The following PLCXD3 variants were observed in gnomAD, a reference collection of about 807,000 sequenced individuals.
PLCXD3 encodes PI-PLC X domain-containing protein 3.
In PLCXD3, 19 loss-of-function variants were observed where a neutral mutation model predicts 25.5. The observed-to-expected ratio is 0.75, with a 90% CI of 0.52 to 1.09. The LOEUF is 1.09. Ranked by LOEUF, PLCXD3 falls within the 50% of genes least tolerant of loss-of-function variation. The pLI, the probability that PLCXD3 is intolerant of heterozygous loss-of-function variation, is 0.00. For synonymous variants in PLCXD3, 174 were observed against 137.6 expected (o/e 1.26, Z -1.85); for missense variants, 411 against 388.1 (o/e 1.06, Z -0.50).
At chr5:41,451,821 A>C (rs1747639219) in intron 1 of PLCXD3, among the ~76,000 whole-genome samples, 1 of 151,942 alleles carries the variant, frequency 6.6e-6, no homozygotes, top group African/African-American at 2.4e-5. Context: ...AATTTTCTTT[A>C]AACAATATAA....
chr5:41,345,887 T>A (rs2150479296), intron 2 of PLCXD3, among the ~76,000 whole-genome samples: 1 of 152,068 alleles, frequency 6.6e-6, no homozygotes, highest in South Asian at 2.1e-4. Flanking sequence ...TTTTTTTTAT[T>A]TTTTCTTTTT....
chr5:41,334,399 T>C (rs1340298387), intron 2 of PLCXD3, among the ~76,000 whole-genome samples: 1 of 152,086 alleles, frequency 6.6e-6, no homozygotes, highest in Non-Finnish European at 1.5e-5. Flanking sequence ...GGTACAGTCA[T>C]ATTTTGGGAG....
At chr5:41,444,702 T>C (rs563420473) in intron 1 of PLCXD3, among the ~76,000 whole-genome samples, 3 of 148,076 alleles carry the variant, frequency 2.0e-5, no homozygotes, top group African/African-American at 7.5e-5. Context: ...CATTGTCAAA[T>C]GGCCAATCCC....
intron 1 of PLCXD3, among the ~76,000 whole-genome samples, chr5:41,443,344 T>C (rs995753515): frequency 6.6e-6 from 1 of 151,990 alleles, no homozygotes; most frequent in South Asian, 2.1e-4. Context: ...TGCCATACCA[T>C]ATAGCCTAGG....
In PLCXD3 at chr5:41,311,018, A is replaced by C. The variant is rs1743125107; in HGVS notation, c.*2599T>G. The C allele has an allele frequency of 6.6e-6, 1 of 152,218 alleles. No homozygotes were observed. Among genetic ancestry groups the C allele is most frequent in the Admixed American group, 6.5e-5 (1 of 15,272 alleles). 9.4% of individuals were successfully genotyped at this position (152,218 alleles called of 1,614,324 possible). ...AAGTTAATTCTAAGCAAACACTATG[A>C]GAAAGTATCTAGGTTCAAGAAAATA... is the stretch of plus-strand genomic sequence containing the variant. On this transcript the variant is annotated 3_prime_UTR_variant, in exon 3 of 3. Coordinates refer to ENST00000377801, the MANE Select transcript of PLCXD3 (RefSeq NM_001005473.3).
intron 2 of PLCXD3, among the ~76,000 whole-genome samples, chr5:41,316,878 T>C (rs1743312908): frequency 6.6e-6 from 1 of 152,194 alleles, no homozygotes; most frequent in Non-Finnish European, 1.5e-5. Flanking sequence ...TTTTTGGCTC[T>C]ACTCCCTGAC....
intron 2 of PLCXD3, among the ~76,000 whole-genome samples, chr5:41,345,011 A>T (rs1181967675): frequency 1.3e-5 from 2 of 152,178 alleles, no homozygotes; most frequent in Non-Finnish European, 2.9e-5. Flanking sequence ...GCATAATTAC[A>T]AACTGGTTCT....
At chr5:41,476,260 T>C (rs888326547) in intron 1 of PLCXD3, among the ~76,000 whole-genome samples, 2 of 152,208 alleles carry the variant, frequency 1.3e-5, no homozygotes, top group African/African-American at 4.8e-5. Context: ...CTGATTGCTA[T>C]CCTTAGAAAG....
intron 1 of PLCXD3, among the ~76,000 whole-genome samples, chr5:41,400,324 A>G (rs1352851813): frequency 6.6e-6 from 1 of 152,156 alleles, no homozygotes; most frequent in East Asian, 1.9e-4. Flanking sequence ...TGATCTAGCC[A>G]TCCCACTGCT....
intron 2 of PLCXD3, among the ~76,000 whole-genome samples, chr5:41,327,963 G>A (rs1254791336): frequency 6.6e-6 from 1 of 152,030 alleles, no homozygotes; most frequent in Non-Finnish European, 1.5e-5. Flanking sequence ...GAGCCACTGT[G>A]CTTGGCAGAT....
chr5:41,427,527 T>C (rs185784305), intron 1 of PLCXD3, among the ~76,000 whole-genome samples: 1 of 152,330 alleles, frequency 6.6e-6, no homozygotes, highest in East Asian at 1.9e-4. Flanking sequence ...TGTACACTTA[T>C]GTGAATGTCT....
intron 2 of PLCXD3, among the ~76,000 whole-genome samples, chr5:41,375,226 C>T (rs1745254736): frequency 6.6e-6 from 1 of 152,032 alleles, no homozygotes. Context: ...AAATCTGTGG[C>T]CTAGACCTTT....
chr5:41,422,880 C>T (rs921636324), intron 1 of PLCXD3, among the ~76,000 whole-genome samples: 4 of 151,992 alleles, frequency 2.6e-5, no homozygotes, highest in African/African-American at 4.8e-5. Context: ...GCATCTTTGC[C>T]TTCTTTGTGA....
intron 2 of PLCXD3, among the ~76,000 whole-genome samples, chr5:41,339,576 C>T (rs143129315): frequency 2.0e-5 from 3 of 152,092 alleles, no homozygotes; most frequent in African/African-American, 7.2e-5. Flanking sequence ...GACAAAATGA[C>T]AGTAGTGTTG....
chr5:41,371,724 G>A (rs1279629327), intron 2 of PLCXD3, among the ~76,000 whole-genome samples: 2 of 152,090 alleles, frequency 1.3e-5, no homozygotes, highest in Non-Finnish European at 2.9e-5. Flanking sequence ...TTTGGCTAAA[G>A]GACAATCACA....
At chr5:41,495,478 G>C (rs920056897) in intron 1 of PLCXD3, among the ~76,000 whole-genome samples, 1 of 152,142 alleles carries the variant, frequency 6.6e-6, no homozygotes, top group Admixed American at 6.5e-5. Context: ...GATACCCAAG[G>C]GGTTAGTTTC....
rs79898227 is a variant in PLCXD3 at position 41,407,693 on chromosome 5, T to G, written c.104-25159A>C. The stretch of plus-strand genomic sequence containing the variant: ...TCATTGAAAACCACAGACCTGTAAC[T>G]TAATATGTGTATTTCACTTGACATA... On this transcript the variant is annotated intron_variant, in intron 1 of 2. Coordinates refer to ENST00000377801, the MANE Select transcript of PLCXD3 (RefSeq NM_001005473.3). Among the ~76,000 whole-genome samples, 522 of 152,354 alleles carry G rather than the reference T, an allele frequency of 3.4e-3. 2 individuals carry two copies. The highest frequency in any genetic ancestry group is 0.012 in the African/African-American group (507 of 41,572).
rs1478750249 is a variant in PLCXD3 at position 41,442,996 on chromosome 5, G to C, written c.104-60462C>G. On this transcript the variant is annotated intron_variant, in intron 1 of 2. Transcript: ENST00000377801. ...AGAGAAGGAGAAGGAGGAGATGCAG[G>C]GATTTTCACAAATTAACATTTGTCC... is the stretch of plus-strand genomic sequence containing the variant. Among the ~76,000 whole-genome samples the C allele has an allele frequency of 3.3e-5, 5 of 150,586 alleles. No homozygotes were observed. In the East Asian group the frequency reaches 9.7e-4, roughly 29 times the overall value.
chr5:41,486,618 G>A (rs1366633336), intron 1 of PLCXD3, among the ~76,000 whole-genome samples: 6 of 152,128 alleles, frequency 3.9e-5, no homozygotes, highest in Admixed American at 3.9e-4. Context: ...ACTGAGGTGA[G>A]ACAAGAAACA....
Sources: allele counts gnomAD v4.1 joint callset (sites outside exome capture counted in the v4.1 genomes callset), GRCh38; gene constraint gnomAD v4.1.1; transcripts MANE v1.5; gene names NCBI Gene and HGNC (gene_info 2026-07-23, HGNC 2026-07-21).